The following CTIF variants were observed in gnomAD, a reference collection of about 807,000 sequenced individuals.
The protein encoded by CTIF is CBP80/20-dependent translation initiation factor.
A neutral mutation model predicts 66.0 loss-of-function variants in CTIF; 21 were observed. That is an observed-to-expected ratio of 0.32 (90% CI 0.23 to 0.46). The LOEUF is 0.46. Among genes scored for constraint, CTIF ranks in the 20% least tolerant of loss-of-function variants. CTIF has a pLI of 1.00. For missense variants in CTIF, 739 were observed against 812.7 expected, an observed-to-expected ratio of 0.91 and a Z score of 1.10; for synonymous variants, 345 against 326.4, an observed-to-expected ratio of 1.06 and a Z score of -0.62.
chr18:48,763,767 CCGGGGTCTCGGG>C (rs912451469), intron 9 of CTIF, among the ~76,000 whole-genome samples: 2 of 152,138 alleles, frequency 1.3e-5, no homozygotes, highest in African/African-American at 4.8e-5. Flanking sequence ...TGGAGATGAG[CCGGGGTCTCGGG>C]CAGGGGCACG....
chr18:48,647,714 C>T (rs1299576012), intron 3 of CTIF, among the ~76,000 whole-genome samples: 1 of 152,198 alleles, frequency 6.6e-6, no homozygotes, highest in Non-Finnish European at 1.5e-5. Context: ...AGGGATAGAA[C>T]TGTTTTTAGG....
intron 2 of CTIF, among the ~76,000 whole-genome samples, chr18:48,626,759 G>A (rs1036880056): frequency 6.3e-4 from 95 of 150,096 alleles, no homozygotes; most frequent in Non-Finnish European, 6.8e-4. Context: ...GGGTTCAAGC[G>A]ATTCTCCTGC....
intron 1 of CTIF, among the ~76,000 whole-genome samples, chr18:48,569,599 C>T (rs2089364555): frequency 6.6e-6 from 1 of 152,170 alleles, no homozygotes; most frequent in South Asian, 2.1e-4. Context: ...TGATTTAATA[C>T]CATGTGATTA....
intron 3 of CTIF, among the ~76,000 whole-genome samples, chr18:48,652,877 C>T (rs1320117512): frequency 1.3e-5 from 2 of 152,170 alleles, no homozygotes; most frequent in Admixed American, 6.5e-5. Context: ...ACGACAAAAA[C>T]CACATGATTA....
chr18:48,720,432 C>A (rs1382361671), intron 7 of CTIF, among the ~76,000 whole-genome samples: 1 of 152,136 alleles, frequency 6.6e-6, no homozygotes, highest in Non-Finnish European at 1.5e-5. Context: ...CATCCGAGCC[C>A]AGGGACCGCG....
chr18:48,680,775 C>A (rs747338489), intron 6 of CTIF, among the ~76,000 whole-genome samples: 11 of 152,236 alleles, frequency 7.2e-5, no homozygotes, highest in Non-Finnish European at 1.3e-4. Flanking sequence ...GTGGAAGGAG[C>A]CGCCGGGGCT....
Position 48,758,184 on chromosome 18 carries a change from G to T in CTIF, c.850G>T (p.Asp284Tyr). 6.2e-7 allele frequency: 1 copy of T among 1,613,888 alleles called. No individual in the cohort carries two copies. ...GACCATCGAGAACCCAAAACTGGAG[G>T]ACACTGCAGGGGACACCGGGCACAG... ...TMTIENPKLE[D>Y]TAGDTGHSSL... The change falls in exon 8 of 12, where the codon GAC (aspartate) becomes TAC (tyrosine). Residue 284 changes from aspartate to tyrosine, a missense_variant. Physicochemically the swap from Asp to Tyr is radical, Grantham distance 160 (BLOSUM62 -3). Transcript: ENST00000256413.
rs142569443 is a variant in CTIF at position 48,641,362 on chromosome 18, C to A, written c.252+4677C>A. The stretch of plus-strand genomic sequence containing the variant: ...TAGACTTGGGAAGGACTTCCCTTGA[C>A]GGAAGGACTTGTTGGCCCACCGTGT... On this transcript the variant is annotated intron_variant, in intron 3 of 11. Coordinates refer to ENST00000256413, the MANE Select transcript of CTIF (RefSeq NM_014772.3). Among the ~76,000 whole-genome samples the A allele has an allele frequency of 1.1e-3, 161 of 152,296 alleles. 1 individual carries two copies. Among genetic ancestry groups the A allele is most frequent in the African/African-American group, 3.8e-3 (157 of 41,556 alleles).
intron 3 of CTIF, among the ~76,000 whole-genome samples, chr18:48,640,183 C>T (rs2090900902): frequency 6.6e-6 from 1 of 152,162 alleles, no homozygotes; most frequent in Admixed American, 6.5e-5. Context: ...GACCAGCTCT[C>T]GGGGACACCA....
intron 1 of CTIF, among the ~76,000 whole-genome samples, chr18:48,574,052 C>T (rs1210807670): frequency 6.6e-6 from 1 of 152,222 alleles, no homozygotes; most frequent in African/African-American, 2.4e-5. Flanking sequence ...GCAGTCATCT[C>T]ACCAGGTCTC....
chr18:48,674,597 T>TC (rs1254360327), intron 6 of CTIF, among the ~76,000 whole-genome samples: 1 of 152,158 alleles, frequency 6.6e-6, no homozygotes, highest in Non-Finnish European at 1.5e-5. Context: ...TCCTGGTGAC[T>TC]CCATCTGGCT....
chr18:48,739,429 C>T (rs16949920), intron 7 of CTIF, among the ~76,000 whole-genome samples: 1,749 of 152,336 alleles, frequency 0.011, 35 homozygotes, highest in African/African-American at 0.041. Flanking sequence ...TTGGACTTGA[C>T]GGCCCTTCAC....
intron 1 of CTIF, among the ~76,000 whole-genome samples, chr18:48,576,185 C>G (rs2089527242): frequency 6.6e-6 from 1 of 152,240 alleles, no homozygotes; most frequent in South Asian, 2.1e-4. Flanking sequence ...GTCACTTGCA[C>G]TGAGGCTGCC....
At position 48,761,287 on chromosome 18, in the gene CTIF, T is replaced by C; in HGVS notation, c.1072-103T>C. On this transcript the variant is annotated intron_variant, in intron 8 of 11. Transcript: ENST00000256413. This position sits in a 1 kb window ranked among gnomAD's most constrained non-coding sequence, Gnocchi z 4.2. ...GCCCTCAGATCCAGGGAAGTAGGCCTGGTCCTGCTTTCTGGGGGTGGCCAC... is the reference window on the plus strand; with the variant it reads ...GCCCTCAGATCCAGGGAAGTAGGCCCGGTCCTGCTTTCTGGGGGTGGCCAC... 9.0e-7 allele frequency: 1 copy of C among 1,107,596 alleles called. No individual in the cohort carries two copies. Among genetic ancestry groups the C allele is most frequent in the Non-Finnish European group, 1.3e-6 (1 of 769,546 alleles). 68.6% of individuals were successfully genotyped at this position (1,107,596 alleles called of 1,614,324 possible).
At chr18:48,659,707 G>C (rs1379553192) in intron 3 of CTIF, among the ~76,000 whole-genome samples, 1 of 152,212 alleles carries the variant, frequency 6.6e-6, no homozygotes, top group African/African-American at 2.4e-5. Context: ...CGGCCCAAAG[G>C]CCCAAGGTGG....
chr18:48,610,082 T>C (rs1017173198), intron 1 of CTIF, among the ~76,000 whole-genome samples: 2 of 152,172 alleles, frequency 1.3e-5, no homozygotes, highest in East Asian at 1.9e-4. Flanking sequence ...CACAGGCCCG[T>C]CTACCCATTC....
At chr18:48,829,639 C>T (rs1397207676) in intron 10 of CTIF, among the ~76,000 whole-genome samples, 1 of 152,220 alleles carries the variant, frequency 6.6e-6, no homozygotes, top group African/African-American at 2.4e-5. Context: ...GTGCCGAGTG[C>T]TGGACCCACT....
intron 9 of CTIF, among the ~76,000 whole-genome samples, chr18:48,785,407 C>T (rs1173931045): frequency 2.6e-5 from 4 of 152,244 alleles, no homozygotes; most frequent in Non-Finnish European, 5.9e-5. Flanking sequence ...GCTCCCACCA[C>T]TGCGGCCTGC....
At chr18:48,850,712 C>T (rs2069180849) in intron 10 of CTIF, among the ~76,000 whole-genome samples, 1 of 152,322 alleles carries the variant, frequency 6.6e-6, no homozygotes, top group South Asian at 2.1e-4. Context: ...GCCAAGGGCC[C>T]CCTGGAAGAG....
Sources: allele counts gnomAD v4.1 joint callset (sites outside exome capture counted in the v4.1 genomes callset), GRCh38; gene constraint gnomAD v4.1.1; non-coding constraint Gnocchi (gnomAD v3.1); transcripts MANE v1.5; gene names NCBI Gene and HGNC (gene_info 2026-07-23, HGNC 2026-07-21).